Variants in PTPRD observed in about 807,000 individuals in gnomAD.
PTPRD encodes receptor-type tyrosine-protein phosphatase delta.
In PTPRD, 34 loss-of-function variants were observed where a neutral mutation model predicts 214.5. That is an observed-to-expected ratio of 0.16 (90% CI 0.12 to 0.21). The LOEUF (loss-of-function observed/expected upper bound fraction) is 0.21, where lower values mean the gene tolerates loss of function less well. Ranked by LOEUF, PTPRD falls within the 10% of genes least tolerant of loss-of-function variation. PTPRD has a pLI of 1.00. For synonymous variants in PTPRD, 1,128 were observed against 845.7 expected (o/e 1.33, Z -5.79); for missense variants, 2,545 against 2,398.7 (o/e 1.06, Z -1.27).
At chr9:9,718,840 T>C (rs578178624) in intron 7 of PTPRD, among the ~76,000 whole-genome samples, 1 of 152,238 alleles carries the variant, frequency 6.6e-6, no homozygotes, top group Non-Finnish European at 1.5e-5. Context: ...GTGTCTGAGA[T>C]TGGCTTGGCA....
chr9:9,752,415 G>C (rs981853133), intron 6 of PTPRD, among the ~76,000 whole-genome samples: 4 of 151,946 alleles, frequency 2.6e-5, no homozygotes, highest in East Asian at 3.9e-4. Flanking sequence ...GACCCATAGA[G>C]GTTATAATGA....
intron 7 of PTPRD, among the ~76,000 whole-genome samples, chr9:9,651,100 A>T (rs181058660): frequency 6.5e-4 from 99 of 152,252 alleles, no homozygotes; most frequent in African/African-American, 2.4e-3. Flanking sequence ...CTCTTCTAAT[A>T]ACTGGGATAT....
intron 8 of PTPRD, among the ~76,000 whole-genome samples, chr9:9,465,383 T>C (rs180708991): frequency 3.1e-4 from 47 of 152,316 alleles, no homozygotes; most frequent in African/African-American, 9.6e-4. Flanking sequence ...ATAAACAAGA[T>C]GGTATTTTAT....
rs373193155 is a variant in PTPRD at position 10,463,553 on chromosome 9, G to A, written c.-599-122536C>T. Among the ~76,000 whole-genome samples the A allele has an allele frequency of 1.4e-4, 21 of 152,234 alleles. No individual in the cohort carries two copies. In the South Asian group the frequency reaches 4.3e-3, roughly 32 times the overall value. Reference sequence around the variant, plus strand: ...TTCAAAACTACAAAAAAAGTGTTGAGATTGAATTCACAATGACCTCAGTAC... The same window carrying A: ...TTCAAAACTACAAAAAAAGTGTTGAAATTGAATTCACAATGACCTCAGTAC... On this transcript the variant is annotated intron_variant, in intron 2 of 45. Coordinates refer to ENST00000381196, the MANE Select transcript of PTPRD (RefSeq NM_002839.4).
chr9:9,923,168 C>G (rs2083137938), intron 5 of PTPRD, among the ~76,000 whole-genome samples: 1 of 141,078 alleles, frequency 7.1e-6, no homozygotes, highest in East Asian at 2.0e-4. Flanking sequence ...AAAAAGGAAG[C>G]AAATAAGACA....
At chr9:8,539,297 G>C (rs374513667) in intron 14 of PTPRD, among the ~76,000 whole-genome samples, 2 of 151,850 alleles carry the variant, frequency 1.3e-5, no homozygotes, top group East Asian at 3.9e-4. Context: ...GATAGGGAAA[G>C]TCTTAAGCAT....
intron 3 of PTPRD, among the ~76,000 whole-genome samples, chr9:10,087,149 T>A (rs1242490943): frequency 1.3e-5 from 2 of 151,392 alleles, no homozygotes; most frequent in Non-Finnish European, 3.0e-5. Flanking sequence ...TTTTTTTTTT[T>A]TAGAAACTGA....
intron 3 of PTPRD, among the ~76,000 whole-genome samples, chr9:10,147,167 T>C (rs1459342590): frequency 6.6e-6 from 1 of 152,164 alleles, no homozygotes; most frequent in African/African-American, 2.4e-5. Context: ...CTCTGACATG[T>C]TGTCCGTGCA....
chr9:10,031,540 G>A (rs778710115), intron 4 of PTPRD, among the ~76,000 whole-genome samples: 14 of 149,780 alleles, frequency 9.3e-5, no homozygotes, highest in Non-Finnish European at 1.9e-4. Context: ...TGTGAGACTC[G>A]GACTGGCTCT....
At chr9:9,191,303 G>C (rs149158657) in intron 9 of PTPRD, among the ~76,000 whole-genome samples, 3 of 152,042 alleles carry the variant, frequency 2.0e-5, no homozygotes, top group African/African-American at 7.2e-5. Context: ...AGATAGGAAG[G>C]GGTCTTCTGA....
chr9:8,891,373 C>T (rs979145419), intron 11 of PTPRD, among the ~76,000 whole-genome samples: 4 of 151,842 alleles, frequency 2.6e-5, no homozygotes, highest in Non-Finnish European at 5.9e-5. Context: ...ACCTCGTGAT[C>T]CGCCCGCCTC....
At chr9:9,723,379 T>C (rs983976406) in intron 7 of PTPRD, among the ~76,000 whole-genome samples, 23 of 152,136 alleles carry the variant, frequency 1.5e-4, no homozygotes, top group African/African-American at 5.5e-4. Context: ...GATTTATTCG[T>C]TAGGCCAATT....
rs138685691 is a variant in PTPRD at position 10,479,165 on chromosome 9, C to T, written c.-600+133233G>A. Among the ~76,000 whole-genome samples, 225 of 152,158 alleles carry T rather than the reference C, an allele frequency of 1.5e-3. No individual in the cohort carries two copies. The Middle Eastern group carries it at 0.034, about 23-fold the overall frequency. On this transcript the variant is annotated intron_variant, in intron 2 of 45. Coordinates refer to ENST00000381196, the MANE Select transcript of PTPRD (RefSeq NM_002839.4). ...TACTAAATTCTATACTCGTATAATT[C>T]TCAGAATGCTAAGAAATAATGGCAC...
intron 9 of PTPRD, among the ~76,000 whole-genome samples, chr9:9,347,633 G>C (rs1413582489): frequency 6.6e-6 from 1 of 152,086 alleles, no homozygotes; most frequent in Non-Finnish European, 1.5e-5. Context: ...TATATTGCTA[G>C]AAGAATATGG....
chr9:9,531,283 C>T (rs150818924), intron 8 of PTPRD, among the ~76,000 whole-genome samples: 198 of 152,130 alleles, frequency 1.3e-3, no homozygotes, highest in African/African-American at 4.5e-3. Flanking sequence ...GGATGAGTTA[C>T]AAAGATAGTG....
intron 39 of PTPRD, among the ~76,000 whole-genome samples, chr9:8,345,646 G>A (rs889288108): frequency 9.2e-5 from 14 of 151,972 alleles, no homozygotes; most frequent in Admixed American, 6.6e-5. Context: ...GGTAGTACAC[G>A]AAATCAGCCC....
chr9:9,405,081 C>T (rs1006904425), intron 8 of PTPRD, among the ~76,000 whole-genome samples: 3 of 152,064 alleles, frequency 2.0e-5, no homozygotes, highest in Admixed American at 2.0e-4. Context: ...ATTCCAGACA[C>T]TAAGCATTTC....
At chr9:8,882,796 A>G (rs1035875506) in intron 11 of PTPRD, among the ~76,000 whole-genome samples, 1 of 150,522 alleles carries the variant, frequency 6.6e-6, no homozygotes, top group Non-Finnish European at 1.5e-5. Context: ...GAGGCAGGAG[A>G]ATCAGGTGAA....
intron 14 of PTPRD, among the ~76,000 whole-genome samples, chr9:8,548,547 T>C (rs1419099744): frequency 1.3e-5 from 2 of 151,966 alleles, no homozygotes; most frequent in South Asian, 2.1e-4. Flanking sequence ...TTGGTATTTT[T>C]AGTAGAGATG....
Sources: gnomAD v4.1 joint callset for allele counts (sites outside exome capture counted in the v4.1 genomes callset) on GRCh38, gnomAD v4.1.1 for gene constraint, MANE v1.5 for transcripts, NCBI Gene and HGNC (gene_info 2026-07-23, HGNC 2026-07-21) for gene names.